Variants in TENM4 observed in about 807,000 individuals in gnomAD.
TENM4 encodes the protein teneurin transmembrane protein 4.
In TENM4, 82 loss-of-function variants were observed where a neutral mutation model predicts 243.3. The observed-to-expected ratio is 0.34, with a 90% CI of 0.28 to 0.40. The LOEUF (loss-of-function observed/expected upper bound fraction) is 0.40. Among genes scored for constraint, TENM4 ranks in the 10% least tolerant of loss-of-function variants. The pLI, the probability that TENM4 is intolerant of heterozygous loss-of-function variation, is 1.00. For missense variants in TENM4, 3,138 were observed against 3,673.3 expected (o/e 0.85, Z 3.77); for synonymous variants, 1,412 against 1,456.3 (o/e 0.97, Z 0.69).
At chr11:78,683,246 GC>G (rs1858563082) in intron 29 of TENM4, among the ~76,000 whole-genome samples, 1 of 55,254 alleles carries the variant, frequency 1.8e-5, no homozygotes, top group Non-Finnish European at 3.8e-5. Context: ...TCTGTGCCCT[GC>G]CCCCAGAGGT....
intron 6 of TENM4, among the ~76,000 whole-genome samples, chr11:79,003,252 C>T (rs749787827): frequency 3.9e-5 from 6 of 152,108 alleles, no homozygotes; most frequent in Non-Finnish European, 5.9e-5. Flanking sequence ...AGGAAAATTT[C>T]CCCAACCTTG....
intron 3 of TENM4, among the ~76,000 whole-genome samples, chr11:79,166,956 G>C (rs1862928220): frequency 6.6e-6 from 1 of 152,220 alleles, no homozygotes; most frequent in East Asian, 1.9e-4. Context: ...GCAGGGGAGT[G>C]GAGGGTGGGC....
intron 1 of TENM4, among the ~76,000 whole-genome samples, chr11:79,423,584 T>G (rs3131): frequency 0.21 from 30,875 of 146,132 alleles, 3,446 homozygotes; most frequent in East Asian, 0.34. Context: ...GGGTACAAAT[T>G]TCCAATTCAT....
intron 2 of TENM4, among the ~76,000 whole-genome samples, chr11:79,230,546 C>G (rs1386774924): frequency 6.6e-6 from 1 of 152,216 alleles, no homozygotes; most frequent in Non-Finnish European, 1.5e-5. Context: ...CATGGACAAC[C>G]TCTCTGAGCC....
At chr11:79,112,768 T>C (rs1200684006) in intron 4 of TENM4, among the ~76,000 whole-genome samples, 2 of 152,170 alleles carry the variant, frequency 1.3e-5, no homozygotes, top group African/African-American at 4.8e-5. Context: ...TGTTCCACTT[T>C]CCTTCTCCAA....
intron 6 of TENM4, among the ~76,000 whole-genome samples, chr11:78,906,312 G>A (rs1856062804): frequency 6.6e-6 from 1 of 152,182 alleles, no homozygotes; most frequent in Non-Finnish European, 1.5e-5. Context: ...GCCAAATTCA[G>A]TCTACCAAAC....
chr11:79,023,238 A>T (rs1858981759), intron 6 of TENM4, among the ~76,000 whole-genome samples: 1 of 152,118 alleles, frequency 6.6e-6, no homozygotes, highest in Non-Finnish European at 1.5e-5. Context: ...TTAGGGATAA[A>T]TGAAAATGAG....
intron 2 of TENM4, among the ~76,000 whole-genome samples, chr11:79,291,936 A>G (rs1279875450): frequency 6.6e-6 from 1 of 152,102 alleles, no homozygotes; most frequent in African/African-American, 2.4e-5. Flanking sequence ...GATTCATGCA[A>G]ATTGAGCCCT....
At chr11:79,165,625 A>T (rs1165752473) in intron 3 of TENM4, among the ~76,000 whole-genome samples, 1 of 152,176 alleles carries the variant, frequency 6.6e-6, no homozygotes, top group Non-Finnish European at 1.5e-5. Context: ...TTTGCTGTGC[A>T]AAAACCTTTT....
intron 2 of TENM4, 77 bp from the exon 3 acceptor site, chr11:79,215,986 C>T (rs1864045638): frequency 2.7e-6 from 1 of 372,758 alleles, no homozygotes; most frequent in Admixed American, 6.4e-5. Context: ...ACCCTCCGCT[C>T]CAGCAGTCAT....
At chr11:79,081,039 A>G (rs1470705870) in intron 4 of TENM4, among the ~76,000 whole-genome samples, 1 of 152,218 alleles carries the variant, frequency 6.6e-6, no homozygotes, top group Non-Finnish European at 1.5e-5. Flanking sequence ...GGAGAGAGAC[A>G]GAAGGGAAAC....
intron 1 of TENM4, among the ~76,000 whole-genome samples, chr11:79,401,110 GA>G (rs543973491): frequency 2.0e-4 from 31 of 152,364 alleles, no homozygotes; most frequent in Non-Finnish European, 3.7e-4. Context: ...TTGGGGACAG[GA>G]AATAATACAA....
At chr11:79,081,475 C>T (rs1860670602) in intron 4 of TENM4, among the ~76,000 whole-genome samples, 1 of 151,906 alleles carries the variant, frequency 6.6e-6, no homozygotes, top group African/African-American at 2.4e-5. Flanking sequence ...CACCATCAGC[C>T]TCTGATCACA....
intron 24 of TENM4, among the ~76,000 whole-genome samples, 182 bp downstream of exon 24, chr11:78,722,486 C>A (rs1213812851): frequency 6.6e-6 from 1 of 152,186 alleles, no homozygotes; most frequent in African/African-American, 2.4e-5. Flanking sequence ...GGTAGCTTGT[C>A]TTCACTGTAG....
At chr11:78,715,650 G>C (rs903650367) in intron 25 of TENM4, among the ~76,000 whole-genome samples, 7 of 152,340 alleles carry the variant, frequency 4.6e-5, no homozygotes, top group South Asian at 2.1e-4. Flanking sequence ...TTTGAGCTTA[G>C]AAGGTGTAGG....
chr11:79,303,177 C>A (rs1213945388), intron 1 of TENM4, among the ~76,000 whole-genome samples: 2 of 152,192 alleles, frequency 1.3e-5, no homozygotes, highest in Non-Finnish European at 2.9e-5. Context: ...TTAAGCATCC[C>A]TCTATATAGC....
intron 12 of TENM4, 96 bp downstream of exon 12, chr11:78,854,008 G>A: frequency 2.4e-6 from 3 of 1,255,274 alleles, no homozygotes; most frequent in Non-Finnish European, 3.3e-6. Flanking sequence ...CCACAGCTCT[G>A]ACATCCCCTT....
intron 2 of TENM4, among the ~76,000 whole-genome samples, chr11:79,291,945 C>T (rs1257710403): frequency 2.0e-5 from 3 of 152,154 alleles, no homozygotes; most frequent in Non-Finnish European, 4.4e-5. Flanking sequence ...AAATTGAGCC[C>T]TGGTGCTGGC....
At chr11:79,132,723 TA>T (rs1862037198) in intron 4 of TENM4, among the ~76,000 whole-genome samples, 1 of 152,066 alleles carries the variant, frequency 6.6e-6, no homozygotes, top group South Asian at 2.1e-4. Context: ...ACATGGAAAT[TA>T]AATAACCTGC....
Sources: gnomAD v4.1 joint callset for allele counts (sites outside exome capture counted in the v4.1 genomes callset) on GRCh38, gnomAD v4.1.1 for gene constraint, MANE v1.5 for transcripts, NCBI Gene and HGNC (gene_info 2026-07-23, HGNC 2026-07-21) for gene names.